The following ME1 variants were observed in gnomAD, a reference collection of about 807,000 sequenced individuals.
ME1 encodes the protein NADP-dependent malic enzyme.
A neutral mutation model predicts 66.4 loss-of-function variants in ME1; 74 were observed. The observed-to-expected ratio is 1.11, with a 90% confidence interval of 0.92 to 1.35. The LOEUF is 1.35. ME1 is among the 40% of genes most tolerant of loss of function. The pLI is 0.00. For missense variants in ME1, 750 were observed against 694.1 expected (o/e 1.08, Z -0.90); for synonymous variants, 251 against 235.6 (o/e 1.07, Z -0.60).
Position 83,253,696 on chromosome 6 carries a change from A to G in ME1, c.747T>C (p.Asn249=), listed in dbSNP as rs1418425954. The change falls in exon 7 of 14, where the codon AAT becomes AAC. Residue 249 remains asparagine (N), a synonymous_variant. Transcript: ENST00000369705. Reference sequence around the variant, plus strand: ...TGTTCAGGAGACGAAATGCATTCACATTGGCAAAATCTTCAAACTGAATAA... The same window carrying G: ...TGTTCAGGAGACGAAATGCATTCACGTTGGCAAAATCTTCAAACTGAATAA... The part of the protein sequence containing the change: ...NCLIQFEDFA[N]VNAFRLLNKY... 6.2e-7 allele frequency: 1 copy of G among 1,611,140 alleles called. No individual in the cohort carries two copies. Among genetic ancestry groups the G allele is most frequent in the Non-Finnish European group, 8.5e-7 (1 of 1,177,794 alleles).
intron 7 of ME1, among the ~76,000 whole-genome samples, chr6:83,249,196 T>A (rs1445262708): frequency 6.6e-6 from 1 of 151,992 alleles, no homozygotes; most frequent in Non-Finnish European, 1.5e-5. Flanking sequence ...CCATACTAAA[T>A]ACTTAAGCAT....
At chr6:83,230,136 TTG>T (rs1213669613) in intron 9 of ME1, among the ~76,000 whole-genome samples, 4 of 139,892 alleles carry the variant, frequency 2.9e-5, no homozygotes, top group East Asian at 4.9e-4. Context: ...CTGTTTTTTT[TTG>T]TTGTTGTTGT....
chr6:83,287,635 G>A (rs1227966873), intron 6 of ME1, among the ~76,000 whole-genome samples: 1 of 152,094 alleles, frequency 6.6e-6, no homozygotes, highest in Non-Finnish European at 1.5e-5. Context: ...TGTCTTTATC[G>A]TAGAATGATG....
intron 11 of ME1, among the ~76,000 whole-genome samples, chr6:83,224,921 G>C (rs949526834): frequency 2.0e-5 from 3 of 151,726 alleles, no homozygotes; most frequent in African/African-American, 7.3e-5. Flanking sequence ...CATGAACTTG[G>C]CTGGGCGCGG....
chr6:83,333,715 G>A (rs1204504053), intron 5 of ME1, among the ~76,000 whole-genome samples: 2 of 152,068 alleles, frequency 1.3e-5, no homozygotes, highest in African/African-American at 4.8e-5. Context: ...TTTTTATCCT[G>A]AACAGCACTG....
chr6:83,329,847 T>C (rs1145898), intron 5 of ME1, among the ~76,000 whole-genome samples: 48,667 of 151,886 alleles, frequency 0.32, 8,137 homozygotes, highest in Middle Eastern at 0.49. Flanking sequence ...TAGAGACAAG[T>C]TCTCACTCTG....
At chr6:83,381,927 C>T (rs1202173622) in intron 3 of ME1, among the ~76,000 whole-genome samples, 2 of 152,094 alleles carry the variant, frequency 1.3e-5, no homozygotes. Flanking sequence ...ATGACCCACA[C>T]ACCCTGCATG....
In ME1 at chr6:83,300,455, C is replaced by T. The variant is rs60446173; in HGVS notation, c.704+14855G>A. Among the ~76,000 whole-genome samples, 879 of 152,102 alleles carry T rather than the reference C, an allele frequency of 5.8e-3. 9 individuals are homozygous for T. Among genetic ancestry groups the T allele is most frequent in the African/African-American group, 0.02 (839 of 41,520 alleles). ...ATAAACAAAGTAAACAAAGAACCTA[C>T]ACAATGGGAGAAAATATTTGTAAAC... On this transcript the variant is annotated intron_variant, in intron 6 of 13. Transcript: ENST00000369705.
intron 7 of ME1, among the ~76,000 whole-genome samples, chr6:83,248,885 T>G (rs916173539): frequency 6.6e-6 from 1 of 152,132 alleles, no homozygotes; most frequent in Non-Finnish European, 1.5e-5. Flanking sequence ...GCAAATAATA[T>G]TAAAATCAGG....
At chr6:83,219,927 AT>A (rs1318109732) in intron 12 of ME1, among the ~76,000 whole-genome samples, 1 of 152,036 alleles carries the variant, frequency 6.6e-6, no homozygotes, top group Non-Finnish European at 1.5e-5. Flanking sequence ...GGCAGCCCAC[AT>A]GGCCAAATGG....
chr6:83,293,282 C>T (rs888005612), intron 6 of ME1, among the ~76,000 whole-genome samples: 1 of 152,090 alleles, frequency 6.6e-6, no homozygotes, highest in Admixed American at 6.5e-5. Context: ...TTGGAAGTGA[C>T]CTCCATCATA....
In ME1 at chr6:83,430,889, A is replaced by T; in HGVS notation, c.66T>A (p.Pro22=). The change falls in exon 1 of 14, where the codon CCT becomes CCA. Residue 22 remains proline, a synonymous_variant. Coordinates refer to ENST00000369705, the MANE Select transcript of ME1 (RefSeq NM_002395.6). ...HQRGYLLTRN[P]HLNKDLAFTL... ...CCTGCGGGTTTACCTTGTTGAGGTG[A>T]GGGTTCCGTGTCAGCAGGTAGCCGC... 1 of 1,602,474 alleles carries T rather than the reference A, an allele frequency of 6.2e-7. No homozygotes were observed. The highest frequency in any genetic ancestry group is 8.5e-7 in the Non-Finnish European group (1 of 1,174,902).
In ME1 at chr6:83,346,241, T is replaced by A; in HGVS notation, c.532A>T (p.Thr178Ser). The A allele has an allele frequency of 6.2e-7, 1 of 1,613,628 alleles. No individual in the cohort carries two copies. Among genetic ancestry groups the A allele is most frequent in the South Asian group, 1.1e-5 (1 of 91,028 alleles). Residue 178 changes from threonine (T) to serine (S), a missense_variant, in exon 5 of 14, where the codon ACA becomes TCA. Transcript: ENST00000369705. ...TGAGGATTCATCCCTCCGCAAGCTG[T>A]ATATAGAGCCAATTTACCCACAGGG... ...GIPVGKLALY[T>S]ACGGMNPQEC...
intron 5 of ME1, among the ~76,000 whole-genome samples, chr6:83,345,010 T>C (rs1233221245): frequency 6.6e-6 from 1 of 152,092 alleles, no homozygotes; most frequent in Non-Finnish European, 1.5e-5. Flanking sequence ...TTAATTTAAA[T>C]TTTTTAGAGC....
chr6:83,420,847 C>T (rs1314491302), intron 1 of ME1, among the ~76,000 whole-genome samples: 1 of 152,190 alleles, frequency 6.6e-6, no homozygotes, highest in Non-Finnish European at 1.5e-5. Flanking sequence ...CTCCTTCCCA[C>T]ATCCACAGAG....
intron 3 of ME1, among the ~76,000 whole-genome samples, chr6:83,380,327 A>T (rs1769371431): frequency 6.6e-6 from 1 of 152,140 alleles, no homozygotes; most frequent in Admixed American, 6.6e-5. Context: ...CTTGAATATC[A>T]TGCTAAAGAG....
chr6:83,323,830 A>G (rs1001625542), intron 5 of ME1, among the ~76,000 whole-genome samples: 1 of 152,184 alleles, frequency 6.6e-6, no homozygotes, highest in Non-Finnish European at 1.5e-5. Flanking sequence ...CTTTGGACCA[A>G]GCCTACCTAA....
chr6:83,400,695 C>G (rs1769822362), intron 2 of ME1, among the ~76,000 whole-genome samples: 2 of 152,302 alleles, frequency 1.3e-5, no homozygotes, highest in South Asian at 2.1e-4. Flanking sequence ...TGCAGCCAGT[C>G]TTTCTGAAAT....
At chr6:83,417,045 G>GGTTTT (rs1770174025) in intron 1 of ME1, among the ~76,000 whole-genome samples, 2 of 152,040 alleles carry the variant, frequency 1.3e-5, no homozygotes, top group Non-Finnish European at 2.9e-5. Flanking sequence ...TCTGCAATAA[G>GGTTTT]GTTTTGTTTT....
Sources: gnomAD v4.1 joint callset for allele counts (sites outside exome capture counted in the v4.1 genomes callset) on GRCh38, gnomAD v4.1.1 for gene constraint, MANE v1.5 for transcripts, NCBI Gene and HGNC (gene_info 2026-07-23, HGNC 2026-07-21) for gene names.